ACCSL: variants seen among roughly 807,000 people sequenced by gnomAD.
The protein encoded by ACCSL is 1-aminocyclopropane-1-carboxylate synthase homolog (inactive) like.
ACCSL carries 55 observed loss-of-function variants against 61.7 expected under a neutral mutation model. The ratio of observed to expected loss-of-function variants is 0.89; its 90% confidence interval spans 0.72 to 1.12. ACCSL has a LOEUF of 1.12. Ranked by LOEUF, ACCSL falls within the 50% of genes most tolerant of loss-of-function variation. The pLI, the probability that ACCSL is intolerant of heterozygous loss-of-function variation, is 0.00. For synonymous variants in ACCSL, 258 were observed against 264.3 expected, an observed-to-expected ratio of 0.98 and a Z score of 0.23; for missense variants, 632 against 698.0, an observed-to-expected ratio of 0.91 and a Z score of 1.07.
At chr11:44,030,823 G>A in the ACCSL span, among the ~76,000 whole-genome samples, 1 of 152,128 alleles carries the variant, frequency 6.6e-6, no homozygotes, top group Non-Finnish European at 1.5e-5. Context: ...AGGCTGGGGT[G>A]GGAGTCAAGG....
chr11:44,011,864 G>A, the ACCSL span, among the ~76,000 whole-genome samples: 4 of 152,028 alleles, frequency 2.6e-5, no homozygotes, highest in African/African-American at 9.7e-5. Flanking sequence ...AGGAAGAGAG[G>A]ATTCTGTTCA....
chr11:43,959,544 G>A, the ACCSL span, among the ~76,000 whole-genome samples: 7 of 152,364 alleles, frequency 4.6e-5, no homozygotes, highest in African/African-American at 1.7e-4. Flanking sequence ...TGTCAGCAGT[G>A]GGGGATGGGG....
At chr11:44,033,346 C>T in the ACCSL span, among the ~76,000 whole-genome samples, 1 of 152,110 alleles carries the variant, frequency 6.6e-6, no homozygotes, top group African/African-American at 2.4e-5. Context: ...ACAAAAACTC[C>T]GTATCAGACC....
the ACCSL span, among the ~76,000 whole-genome samples, chr11:44,024,437 CTCTCTGTGTGTGTGTGTGTG>C: frequency 6.7e-5 from 5 of 74,906 alleles, no homozygotes; most frequent in Admixed American, 2.8e-4. Context: ...CTCTCTCTCT[CTCTCTGTGTGTGTGTGTGTG>C]TGTGTGTGTG....
the ACCSL span, among the ~76,000 whole-genome samples, chr11:43,972,187 A>G: frequency 5.9e-5 from 9 of 152,164 alleles, no homozygotes; most frequent in Non-Finnish European, 8.8e-5. Flanking sequence ...CAGTGTCCCC[A>G]ACTATAAAGA....
chr11:44,020,623 A>AT, the ACCSL span, among the ~76,000 whole-genome samples: 46 of 151,488 alleles, frequency 3.0e-4, no homozygotes, highest in African/African-American at 1.0e-3. Context: ...CATTATATTG[A>AT]TTTTTTTTCT....
At chr11:43,973,753 G>C in the ACCSL span, 1 of 152,166 alleles carries the variant, frequency 6.6e-6, no homozygotes, top group Non-Finnish European at 1.5e-5. Flanking sequence ...GATGATTTGG[G>C]GGTAGAGCGG....
Position 44,051,667 on chromosome 11 carries a change from T to A in ACCSL, c.720T>A (p.Asn240Lys). 1 of 1,614,198 alleles carries A rather than the reference T, an allele frequency of 6.2e-7. No individual in the cohort carries two copies. The highest frequency in any genetic ancestry group is 8.5e-7 in the Non-Finnish European group (1 of 1,180,044). The change falls in exon 5 of 14, where the codon AAT becomes AAA. Residue 240 changes from asparagine to lysine, a missense_variant. By Grantham distance (94) the Asn-to-Lys change is moderately conservative. Coordinates refer to ENST00000378832, the MANE Select transcript of ACCSL (RefSeq NM_001031854.2). ...GTTGTCTTCAGGTGGTGGTTCTAAATGGCTGCTGCTCTGTCTTCTGTGCCC... is the reference window on the plus strand; with the variant it reads ...GTTGTCTTCAGGTGGTGGTTCTAAAAGGCTGCTGCTCTGTCTTCTGTGCCC... Reference protein sequence around the residue: ...RLDPENVVVLNGCCSVFCALA... With the variant: ...RLDPENVVVLKGCCSVFCALA...
At chr11:43,994,541 T>C in the ACCSL span, among the ~76,000 whole-genome samples, 33 of 152,244 alleles carry the variant, frequency 2.2e-4, no homozygotes, top group African/African-American at 7.0e-4. Context: ...TCTGTGTGTG[T>C]TGTGTGCATT....
chr11:43,951,441 A>T, the ACCSL span, among the ~76,000 whole-genome samples: 1 of 152,228 alleles, frequency 6.6e-6, no homozygotes, highest in African/African-American at 2.4e-5. Flanking sequence ...GGGCCAGAGC[A>T]GGAAACAAAG....
the ACCSL span, among the ~76,000 whole-genome samples, chr11:43,976,781 C>T: frequency 1.6e-4 from 24 of 152,174 alleles, no homozygotes; most frequent in African/African-American, 5.6e-4. Flanking sequence ...CATGGACACA[C>T]CAGACTACAA....
the ACCSL span, among the ~76,000 whole-genome samples, chr11:43,970,820 C>T: frequency 1.3e-5 from 2 of 152,126 alleles, no homozygotes; most frequent in Non-Finnish European, 2.9e-5. Flanking sequence ...GTCCTGGACT[C>T]GGTCAGTGGG....
chr11:43,948,004 G>C, the ACCSL span, among the ~76,000 whole-genome samples: 33 of 152,218 alleles, frequency 2.2e-4, no homozygotes, highest in Admixed American at 2.0e-3. Flanking sequence ...TCCTAGCCTG[G>C]GTGATGAGTT....
At chr11:44,058,482 G>T (rs950193635) in intron 12 of ACCSL, 23 bp downstream of exon 12, 2 of 1,614,168 alleles carry the variant, frequency 1.2e-6, no homozygotes, top group South Asian at 2.2e-5. Context: ...AATGAGGACA[G>T]GTGTTCTTGG....
At chr11:44,052,917 T>C in intron 6 of ACCSL, 74 bp from the exon 7 acceptor site, 1 of 1,520,450 alleles carries the variant, frequency 6.6e-7, no homozygotes. Context: ...GGCAAAGGAT[T>C]GCGGGGCTTA....
Position 44,049,883 on chromosome 11 carries a change from G to A in ACCSL, c.505-179G>A. The A allele has an allele frequency of 5.4e-6, 4 of 738,192 alleles. 1 individual carries two copies. The South Asian group carries it at 6.7e-5, about 12-fold the overall frequency. 45.7% of individuals were successfully genotyped at this position (738,192 alleles called of 1,614,324 possible). A position where few individuals can be genotyped will look rare whatever the true frequency, so the allele number is the denominator to read the frequency against. On this transcript the variant is annotated intron_variant, in intron 1 of 13. Transcript: ENST00000378832. ...AACTTATTTATGTGGCTCTAATGGG[G>A]AAATTTGCAAGCTGTACTATTTTGG...
At chr11:44,051,772 AG>A in intron 5 of ACCSL, 53 bp downstream of exon 5, 1 of 1,603,114 alleles carries the variant, frequency 6.2e-7, no homozygotes, top group South Asian at 1.1e-5. Flanking sequence ...CAACACAGGT[AG>A]GAACACACGG....
At chr11:43,998,655 C>G in the ACCSL span, among the ~76,000 whole-genome samples, 1 of 152,194 alleles carries the variant, frequency 6.6e-6, no homozygotes, top group African/African-American at 2.4e-5. Context: ...AGTTTGCCCT[C>G]TCACTTATTC....
the ACCSL span, among the ~76,000 whole-genome samples, chr11:44,004,711 T>G: frequency 6.6e-6 from 1 of 152,174 alleles, no homozygotes; most frequent in Non-Finnish European, 1.5e-5. Flanking sequence ...TCCTCAGAGA[T>G]GCACTGAACT....
Sources: gnomAD v4.1 joint callset for allele counts (sites outside exome capture counted in the v4.1 genomes callset) on GRCh38, gnomAD v4.1.1 for gene constraint, MANE v1.5 for transcripts, NCBI Gene and HGNC (gene_info 2026-07-23, HGNC 2026-07-21) for gene names.